DECR1: variants seen among roughly 807,000 people sequenced by gnomAD.
DECR1 encodes the protein 2,4-dienoyl-CoA reductase 1, also known as 2,4-dienoyl-CoA reductase [(3E)-enoyl-CoA-producing], mitochondrial.
DECR1 carries 44 observed loss-of-function variants against 38.8 expected under a neutral mutation model. The observed-to-expected ratio is 1.13, with a 90% CI of 0.89 to 1.46. DECR1 has a LOEUF of 1.46. Ranked by LOEUF, DECR1 falls within the 40% of genes most tolerant of loss-of-function variation. The pLI is 0.00. For missense variants in DECR1, 428 were observed against 405.5 expected (o/e 1.06, Z -0.48); for synonymous variants, 148 against 135.2 (o/e 1.09, Z -0.66).
At chr8:90,008,234 A>C (rs1040193911) in intron 1 of DECR1, among the ~76,000 whole-genome samples, 1 of 152,218 alleles carries the variant, frequency 6.6e-6, no homozygotes, top group East Asian at 1.9e-4. Context: ...ATCACTCTGC[A>C]TGCAGCCACT....
intron 1 of DECR1, chr8:90,005,457 T>G: frequency 2.2e-6 from 1 of 456,056 alleles, no homozygotes. Flanking sequence ...GTCTGAAAAA[T>G]GAGTAAAGAT....
intron 5 of DECR1, among the ~76,000 whole-genome samples, chr8:90,024,271 T>C (rs1039892254): frequency 2.0e-5 from 3 of 152,250 alleles, no homozygotes; most frequent in African/African-American, 7.2e-5. Context: ...ATTCTAGTTC[T>C]AGATCCTTGA....
rs186999316 is a variant in DECR1 at position 90,046,608 on chromosome 8, A to G, written c.885+1613A>G. On this transcript the variant is annotated intron_variant, in intron 8 of 9. Coordinates refer to ENST00000220764, the MANE Select transcript of DECR1 (RefSeq NM_001359.2). ...GGAGAATGGAACCAAGTTGGAAAAC[A>G]TGCTGCAGGATATTATCCAGGAGAA... Among the ~76,000 whole-genome samples the G allele has an allele frequency of 3.3e-5, 5 of 152,368 alleles. No individual in the cohort carries two copies. In the East Asian group the frequency reaches 5.8e-4, roughly 18 times the overall value.
chr8:90,003,583 T>A (rs953333390), intron 1 of DECR1, among the ~76,000 whole-genome samples: 1 of 152,244 alleles, frequency 6.6e-6, no homozygotes. Context: ...TGGCAATTTG[T>A]GGTTGAAAGA....
chr8:90,026,106 G>T (rs547801929), intron 5 of DECR1, among the ~76,000 whole-genome samples: 135 of 152,282 alleles, frequency 8.9e-4, no homozygotes, highest in African/African-American at 2.9e-3. Flanking sequence ...TTTTTGATGT[G>T]CTGCTGGATT....
chr8:90,012,510 A>G (rs1183332446), intron 1 of DECR1, among the ~76,000 whole-genome samples: 1 of 152,160 alleles, frequency 6.6e-6, no homozygotes. Context: ...GTCATAATTT[A>G]GGGTCATTGG....
intron 5 of DECR1, chr8:90,029,141 A>G (rs141569814): frequency 2.0e-5 from 3 of 152,270 alleles, no homozygotes; most frequent in Non-Finnish European, 4.4e-5. Context: ...ATACTTGGAC[A>G]GTTAGTGAGT....
At chr8:90,006,635 A>T (rs1364178055) in intron 1 of DECR1, among the ~76,000 whole-genome samples, 1 of 152,206 alleles carries the variant, frequency 6.6e-6, no homozygotes, top group Non-Finnish European at 1.5e-5. Context: ...TTTAGGAGGT[A>T]AAATCAGAGG....
rs1458966829 is a variant in DECR1 at position 90,052,557 on chromosome 8, T to C, written c.*660T>C. 6.6e-6 allele frequency among the ~76,000 whole-genome samples: 1 copy of C among 152,168 alleles called. No homozygotes were observed. Among genetic ancestry groups the C allele is most frequent in the Non-Finnish European group, 1.5e-5 (1 of 68,034 alleles). On this transcript the variant is annotated 3_prime_UTR_variant, in exon 10 of 10. Transcript: ENST00000220764. ...GTATTATTCCAGCAGTATTTAAGTG[T>C]AGAGGAGGAAGTAATTCATTCTGTC...
chr8:90,026,233 C>G (rs1028983305), intron 5 of DECR1, among the ~76,000 whole-genome samples: 2 of 152,140 alleles, frequency 1.3e-5, no homozygotes, highest in African/African-American at 4.8e-5. Flanking sequence ...TGATACTGGC[C>G]TCATAAAATG....
At position 90,052,687 on chromosome 8, in the gene DECR1, A is replaced by AT. The variant is rs959916794; in HGVS notation, c.*795dup. 1.3e-5 allele frequency among the ~76,000 whole-genome samples: 2 copies of AT among 152,182 alleles called. No homozygotes were observed. The highest frequency in any genetic ancestry group is 4.8e-5 in the African/African-American group (2 of 41,450). On this transcript the variant is annotated 3_prime_UTR_variant, in exon 10 of 10. Transcript: ENST00000220764. ...AAGAGGTAAAGAAAGCCTATAAAAT[A>AT]TTTTTGTATATCATTTGATTAAATT...
chr8:90,016,053 A>G (rs1040984705), intron 1 of DECR1, among the ~76,000 whole-genome samples: 1 of 152,218 alleles, frequency 6.6e-6, no homozygotes, highest in African/African-American at 2.4e-5. Flanking sequence ...ATGCGAGAGA[A>G]TGGCAGTGAT....
chr8:90,027,765 T>G (rs980351284), intron 5 of DECR1, among the ~76,000 whole-genome samples: 6 of 149,978 alleles, frequency 4.0e-5, no homozygotes, highest in Admixed American at 4.0e-4. Context: ...GTGATTATAG[T>G]TTTTTTTTTA....
intron 5 of DECR1, among the ~76,000 whole-genome samples, chr8:90,024,427 G>C (rs958549728): frequency 6.6e-6 from 1 of 152,130 alleles, no homozygotes; most frequent in African/African-American, 2.4e-5. Context: ...GTGTGAGATG[G>C]TATCTCATCG....
chr8:90,017,444 A>C (rs749460972), intron 2 of DECR1, 118 bp downstream of exon 2: 1 of 591,726 alleles, frequency 1.7e-6, no homozygotes, highest in Non-Finnish European at 2.8e-6. Context: ...TATATGAAAT[A>C]CTAGAAATAT....
At position 90,020,875 on chromosome 8, in the gene DECR1, A is replaced by G. The variant is rs201689257; in HGVS notation, c.418-34A>G. 4.2e-5 allele frequency: 62 copies of G among 1,491,780 alleles called. No homozygotes were observed. The Admixed American group carries it at 1.5e-3, about 37-fold the overall frequency. 92.4% of individuals were successfully genotyped at this position (1,491,780 alleles called of 1,614,324 possible). Reference sequence around the variant, plus strand: ...GCAGGGAAAATGTTTTTCCTCATCTAAAGTTTCTGTAACTTGCCTTGTTCA... The same window carrying G: ...GCAGGGAAAATGTTTTTCCTCATCTGAAGTTTCTGTAACTTGCCTTGTTCA... On this transcript the variant is annotated intron_variant, in intron 4 of 9. Transcript: ENST00000220764.
intron 6 of DECR1, among the ~76,000 whole-genome samples, chr8:90,039,317 T>C (rs752319720): frequency 1.3e-5 from 2 of 152,192 alleles, no homozygotes; most frequent in Non-Finnish European, 2.9e-5. Context: ...ACTCACAGTT[T>C]CCACATGGCT....
intron 8 of DECR1, 101 bp from the exon 9 acceptor site, chr8:90,051,576 C>A (rs941498816): frequency 1.2e-6 from 1 of 861,566 alleles, no homozygotes; most frequent in Non-Finnish European, 1.8e-6. Context: ...ATTTAAAGTG[C>A]CAAAGAGATA....
At chr8:90,019,054 G>A (rs1264243269) in intron 3 of DECR1, 32 bp from the exon 4 acceptor site, 1 of 1,608,502 alleles carries the variant, frequency 6.2e-7, no homozygotes, top group Admixed American at 1.7e-5. Flanking sequence ...AAGAAAGCTG[G>A]AAAATGTCAT....
Sources: allele counts gnomAD v4.1 joint callset (sites outside exome capture counted in the v4.1 genomes callset), GRCh38; gene constraint gnomAD v4.1.1; transcripts MANE v1.5; gene names NCBI Gene and HGNC (gene_info 2026-07-23, HGNC 2026-07-21).